Variants in MLLT10 observed in about 807,000 individuals in gnomAD.
The protein encoded by MLLT10 is protein AF-10.
A neutral mutation model predicts 129.1 loss-of-function variants in MLLT10; 30 were observed. The ratio of observed to expected loss-of-function variants is 0.23; its 90% CI spans 0.17 to 0.32. The LOEUF (loss-of-function observed/expected upper bound fraction) is 0.32, where lower values mean the gene tolerates loss of function less well. Among genes scored for constraint, MLLT10 ranks in the 10% least tolerant of loss-of-function variants. The pLI, the probability that MLLT10 is intolerant of heterozygous loss-of-function variation, is 1.00. For synonymous variants in MLLT10, 490 were observed against 446.4 expected, an observed-to-expected ratio of 1.10 and a Z score of -1.23; for missense variants, 1,119 against 1,268.3, an observed-to-expected ratio of 0.88 and a Z score of 1.79.
intron 11 of MLLT10, among the ~76,000 whole-genome samples, chr10:21,674,249 T>A (rs1053664844): frequency 2.6e-5 from 4 of 152,154 alleles, no homozygotes; most frequent in Non-Finnish European, 5.9e-5. Context: ...ATTTTTTTTT[T>A]AATGCAGAAT....
intron 5 of MLLT10, among the ~76,000 whole-genome samples, chr10:21,605,909 C>T (rs550937480): frequency 6.6e-6 from 1 of 152,154 alleles, no homozygotes. Flanking sequence ...TTGTACTTCA[C>T]AGGAAATTGC....
chr10:21,656,591 C>G (rs1040007816), intron 9 of MLLT10, among the ~76,000 whole-genome samples: 1 of 152,058 alleles, frequency 6.6e-6, no homozygotes, highest in Non-Finnish European at 1.5e-5. Context: ...TTTTAGTGCA[C>G]TTTTTCTGTG....
chr10:21,567,230 C>A (rs1034478706), intron 3 of MLLT10, among the ~76,000 whole-genome samples: 2 of 152,216 alleles, frequency 1.3e-5, no homozygotes, highest in African/African-American at 4.8e-5. Context: ...TTACACTTAT[C>A]TAACAAGGGG....
At chr10:21,623,585 TAG>T (rs2046120345) in intron 8 of MLLT10, among the ~76,000 whole-genome samples, 1 of 152,210 alleles carries the variant, frequency 6.6e-6, no homozygotes, top group Non-Finnish European at 1.5e-5. Flanking sequence ...AACTGTAAAA[TAG>T]AGTTTTATTT....
At chr10:21,693,241 A>G (rs1025133536) in intron 13 of MLLT10, among the ~76,000 whole-genome samples, 5 of 152,178 alleles carry the variant, frequency 3.3e-5, no homozygotes, top group East Asian at 1.9e-4. Flanking sequence ...TGACATTTAA[A>G]TTGCTTTGCA....
intron 3 of MLLT10, chr10:21,556,803 C>T: frequency 6.3e-7 from 1 of 1,576,694 alleles, no homozygotes; most frequent in Non-Finnish European, 8.6e-7. Context: ...TGTCTTACTA[C>T]AGCAGCTTTC....
At chr10:21,645,187 A>G (rs976831482) in intron 8 of MLLT10, among the ~76,000 whole-genome samples, 3 of 152,340 alleles carry the variant, frequency 2.0e-5, no homozygotes, top group East Asian at 1.9e-4. Flanking sequence ...AGCTCAGTCT[A>G]GGGCAATTTC....
At chr10:21,552,544 A>G (rs546895681) in intron 3 of MLLT10, among the ~76,000 whole-genome samples, 23 of 151,668 alleles carry the variant, frequency 1.5e-4, no homozygotes, top group African/African-American at 5.3e-4. Context: ...GGCGCCTGCC[A>G]CCACGCCTGG....
At chr10:21,670,753 ATAGT>A (rs752892559) in intron 10 of MLLT10, 49 bp downstream of exon 10, 1 of 1,544,722 alleles carries the variant, frequency 6.5e-7, no homozygotes, top group Admixed American at 2.1e-5. Context: ...ATGGTTAATA[ATAGT>A]TATGCTTTGT....
At chr10:21,676,015 T>A in intron 11 of MLLT10, among the ~76,000 whole-genome samples, 1 of 152,214 alleles carries the variant, frequency 6.6e-6, no homozygotes, top group Non-Finnish European at 1.5e-5. Flanking sequence ...TCGTTTCTCT[T>A]ACCTTACCAT....
chr10:21,539,092 A>G lies in MLLT10; in HGVS notation c.240+180A>G, dbSNP rs147914953. The G allele has an allele frequency of 1.7e-3, 858 of 498,134 alleles. 2 individuals are homozygous for G. Among genetic ancestry groups the G allele is most frequent in the Non-Finnish European group, 2.5e-3 (703 of 281,352 alleles). 30.9% of individuals were successfully genotyped at this position (498,134 alleles called of 1,614,324 possible). A position where few individuals can be genotyped will look rare whatever the true frequency, so the allele number is the denominator to read the frequency against. Reference sequence around the variant, plus strand: ...CAGATTTTGTAAAACTGAAAAACAAATGGAATCAAGTGAGTATATTTTGGA... The same window carrying G: ...CAGATTTTGTAAAACTGAAAAACAAGTGGAATCAAGTGAGTATATTTTGGA... On this transcript the variant is annotated intron_variant, in intron 3 of 22. Transcript: ENST00000307729.
At chr10:21,647,143 G>A (rs1480559551) in intron 8 of MLLT10, among the ~76,000 whole-genome samples, 1 of 152,098 alleles carries the variant, frequency 6.6e-6, no homozygotes, top group Non-Finnish European at 1.5e-5. Context: ...GGCATGAGCC[G>A]CTGCACCTGG....
rs1374584060 is a variant in MLLT10, at chr10:21,704,009, G to GTTT, written c.1700-9759_1700-9757dup. 6.5e-4 allele frequency among the ~76,000 whole-genome samples: 32 copies of GTTT among 49,288 alleles called. No homozygotes were observed. The East Asian group carries it at 8.9e-3, about 14-fold the overall frequency. The allele number at this position is 49,288 out of a possible 152,430, so 32.3% of individuals were successfully genotyped here. A position where few individuals can be genotyped will look rare whatever the true frequency, so the allele number is the denominator to read the frequency against. Reference sequence around the variant, plus strand: ...TCTGAATACATTTTGGATTTCGATTGTTTTTTGTTTTTTTTTTTTTTTTTT... The same window carrying GTTT: ...TCTGAATACATTTTGGATTTCGATTGTTTTTTTTTGTTTTTTTTTTTTTTTTTT... On this transcript the variant is annotated intron_variant, in intron 13 of 22. Transcript: ENST00000307729.
chr10:21,533,976 G>C (rs2033281880), upstream of MLLT10, among the ~76,000 whole-genome samples: 1 of 152,026 alleles, frequency 6.6e-6, no homozygotes, highest in African/African-American at 2.4e-5. Flanking sequence ...CACGCGGCCC[G>C]CGCCACCAGC....
chr10:21,646,551 C>T, intron 8 of MLLT10, among the ~76,000 whole-genome samples: 1 of 151,438 alleles, frequency 6.6e-6, no homozygotes. Context: ...TTGTTTAAGC[C>T]ATACCTTTCT....
At chr10:21,695,574 T>G (rs1030233208) in intron 13 of MLLT10, among the ~76,000 whole-genome samples, 2 of 152,216 alleles carry the variant, frequency 1.3e-5, no homozygotes, top group African/African-American at 4.8e-5. Context: ...TTTAAAATAT[T>G]TATCTTATAA....
chr10:21,565,448 C>T (rs756623294), intron 3 of MLLT10, among the ~76,000 whole-genome samples: 1 of 152,062 alleles, frequency 6.6e-6, no homozygotes, highest in African/African-American at 2.4e-5. Flanking sequence ...GCTGGGATTA[C>T]AGGCGCCCGC....
intron 21 of MLLT10, among the ~76,000 whole-genome samples, chr10:21,739,728 G>A (rs1456716921): frequency 2.0e-5 from 3 of 152,310 alleles, no homozygotes; most frequent in South Asian, 2.1e-4. Flanking sequence ...GACCACGCAT[G>A]ATGCATTCAA....
At position 21,538,816 on chromosome 10, in the gene MLLT10, A is replaced by G; in HGVS notation, c.161-17A>G. ...TCTTCGAATCTTAACATTTTAACAC[A>G]TTTCATTTTTCAACAGCTTGCTATG... On this transcript the variant is annotated splice_polypyrimidine_tract_variant and intron_variant, in intron 2 of 22. Coordinates refer to ENST00000307729, the MANE Select transcript of MLLT10 (RefSeq NM_001195626.3). 1.3e-6 allele frequency: 2 copies of G among 1,589,262 alleles called. No homozygotes were observed. The highest frequency in any genetic ancestry group is 2.2e-5 in the East Asian group (1 of 44,784).
Sources: allele counts gnomAD v4.1 joint callset (sites outside exome capture counted in the v4.1 genomes callset), GRCh38; gene constraint gnomAD v4.1.1; transcripts MANE v1.5; gene names NCBI Gene and HGNC (gene_info 2026-07-23, HGNC 2026-07-21).